DDIAS: variants seen among roughly 807,000 people sequenced by gnomAD.
DDIAS encodes DNA damage induced apoptosis suppressor.
In DDIAS, 14 loss-of-function variants were observed where a neutral mutation model predicts 15.7. The ratio of observed to expected loss-of-function variants is 0.89; its 90% CI spans 0.59 to 1.39. DDIAS has a LOEUF of 1.39. DDIAS is among the 40% of genes most tolerant of loss of function. The pLI is 0.00. For missense variants in DDIAS, 1,035 were observed against 1,130.9 expected (o/e 0.92, Z 1.22); for synonymous variants, 355 against 395.9 (o/e 0.90, Z 1.23).
rs7947363 is a variant in DDIAS, at chr11:82,909,629, C to A, written c.-116-3658C>A. ...AAGGAATTTGAGGTTTTAGCACTTA[C>A]AATGGCAATTTTCTTTGACCCTTCT... On this transcript the variant is annotated intron_variant, in intron 1 of 5. Coordinates refer to ENST00000533655, the MANE Select transcript of DDIAS (RefSeq NM_145018.4). Among the ~76,000 whole-genome samples, 4 of 152,092 alleles carry A rather than the reference C, an allele frequency of 2.6e-5. No individual in the cohort carries two copies. The East Asian group carries it at 7.7e-4, about 29-fold the overall frequency.
rs115051637 is a variant in DDIAS, at chr11:82,905,123, C to T, written c.-117+3301C>T. On this transcript the variant is annotated intron_variant, in intron 1 of 5. Coordinates refer to ENST00000533655, the MANE Select transcript of DDIAS (RefSeq NM_145018.4). Reference sequence around the variant, plus strand: ...TACTATAGTGTGTCCACATGGACCCCACATATTTTAATAAGCATAAGTCTA... The same window carrying T: ...TACTATAGTGTGTCCACATGGACCCTACATATTTTAATAAGCATAAGTCTA... Among the ~76,000 whole-genome samples the T allele has an allele frequency of 3.2e-3, 494 of 152,246 alleles. 4 individuals carry two copies. The highest frequency in any genetic ancestry group is 0.011 in the African/African-American group (470 of 41,556).
chr11:82,913,935 T>C (rs1860573474), intron 2 of DDIAS: 1 of 443,244 alleles, frequency 2.3e-6, no homozygotes, highest in African/African-American at 2.0e-5. Flanking sequence ...TTTTATACAA[T>C]ACTTTTTTTT....
rs767355216 is a variant in DDIAS at position 82,928,957 on chromosome 11, T to C, written c.275+19T>C. ...TGCACAGGTAAGAATACTTAAAACA[T>C]CCTTTTTCCTGACTGCCCTTAGAAT... On this transcript the variant is annotated intron_variant, in intron 4 of 5. Coordinates refer to ENST00000533655, the MANE Select transcript of DDIAS (RefSeq NM_145018.4). 1 of 1,588,514 alleles carries C rather than the reference T, an allele frequency of 6.3e-7. No individual in the cohort carries two copies. Among genetic ancestry groups the C allele is most frequent in the Admixed American group, 1.9e-5 (1 of 51,836 alleles).
intron 1 of DDIAS, among the ~76,000 whole-genome samples, chr11:82,909,527 TGACA>T (rs535865599): frequency 9.9e-5 from 15 of 152,262 alleles, no homozygotes; most frequent in African/African-American, 2.6e-4. Context: ...CAAACACATC[TGACA>T]GAATCATAAA....
At chr11:82,911,401 G>A (rs1486625808) in intron 1 of DDIAS, among the ~76,000 whole-genome samples, 1 of 152,176 alleles carries the variant, frequency 6.6e-6, no homozygotes, top group Non-Finnish European at 1.5e-5. Flanking sequence ...TTTCAACAAT[G>A]TTCACAGCAT....
intron 1 of DDIAS, among the ~76,000 whole-genome samples, chr11:82,905,898 AAAAG>A (rs2121311947): frequency 6.6e-6 from 1 of 152,336 alleles, no homozygotes; most frequent in South Asian, 2.1e-4. Flanking sequence ...AATAAATGTG[AAAAG>A]AAAGATAAAC....
intron 2 of DDIAS, chr11:82,913,999 C>G (rs1243291676): frequency 2.4e-6 from 1 of 422,286 alleles, no homozygotes; most frequent in East Asian, 7.4e-5. Context: ...TGCCATGGTG[C>G]AATCTCGGCT....
At position 82,913,364 on chromosome 11, in the gene DDIAS, C is replaced by T; in HGVS notation, c.-39C>T. ...ATGGCCTTGATCCTCCTGCCTTAGC[C>T]TCCCAAGCAGCTGGTATTACAGGTA... is the stretch of plus-strand genomic sequence containing the variant. On this transcript the variant is annotated 5_prime_UTR_variant, in exon 2 of 6. Transcript: ENST00000533655. 5.8e-6 allele frequency: 1 copy of T among 173,662 alleles called. No individual in the cohort carries two copies. The highest frequency in any genetic ancestry group is 1.2e-5 in the Non-Finnish European group (1 of 81,780). 10.8% of individuals were successfully genotyped at this position (173,662 alleles called of 1,614,324 possible). A position where few individuals can be genotyped will look rare whatever the true frequency, so the allele number is the denominator to read the frequency against.
At chr11:82,909,571 G>A (rs1221609413) in intron 1 of DDIAS, among the ~76,000 whole-genome samples, 3 of 152,044 alleles carry the variant, frequency 2.0e-5, no homozygotes, top group African/African-American at 7.2e-5. Context: ...TCACAAAATT[G>A]TTGTAATTTT....
At chr11:82,917,136 A>G (rs935584187) in intron 3 of DDIAS, among the ~76,000 whole-genome samples, 4 of 140,310 alleles carry the variant, frequency 2.9e-5, no homozygotes, top group Non-Finnish European at 6.1e-5. Context: ...AACTATTTCC[A>G]TAATTTCTGG....
At position 82,911,154 on chromosome 11, in the gene DDIAS, G is replaced by A. The variant is rs143030797; in HGVS notation, c.-116-2133G>A. ...GCCTCAGTGTTGATGGTTGCTGACT[G>A]CTTGGGGTGGTGGTTGCTGAAGGTT... On this transcript the variant is annotated intron_variant, in intron 1 of 5. Transcript: ENST00000533655. Among the ~76,000 whole-genome samples the A allele has an allele frequency of 8.5e-3, 1,289 of 152,308 alleles. 18 individuals carry two copies. The highest frequency in any genetic ancestry group is 0.03 in the African/African-American group (1,235 of 41,576).
chr11:82,934,001 G>A lies in DDIAS; in HGVS notation c.2663G>A (p.Cys888Tyr), dbSNP rs1275089100. ...LGFQGIGLGKCLAAYHFPDQQ... is the reference protein window; with the variant it reads ...LGFQGIGLGKYLAAYHFPDQQ... ...TTCCAAGGCATAGGTCTAGGGAAAT[G>A]CCTTGCTGCCTATCATTTCCCTGAT... Residue 888 changes from cysteine (C) to tyrosine (Y), a missense_variant, in exon 6 of 6, where the codon TGC becomes TAC. Physicochemically the swap from Cys to Tyr is radical, Grantham distance 194. Transcript: ENST00000533655. The A allele has an allele frequency of 1.5e-5, 25 of 1,613,576 alleles. No individual in the cohort carries two copies. Among genetic ancestry groups the A allele is most frequent in the Non-Finnish European group, 2.1e-5 (25 of 1,179,950 alleles).
At chr11:82,922,334 C>A (rs1226979844) in intron 3 of DDIAS, among the ~76,000 whole-genome samples, 1 of 152,210 alleles carries the variant, frequency 6.6e-6, no homozygotes, top group Non-Finnish European at 1.5e-5. Flanking sequence ...TCTTATTCCT[C>A]AGGAACACCG....
intron 4 of DDIAS, 111 bp from the exon 5 acceptor site, chr11:82,930,046 C>T: frequency 1.6e-6 from 1 of 608,986 alleles, no homozygotes; most frequent in Non-Finnish European, 2.8e-6. Context: ...CACTTTTTTT[C>T]CTCTATAAAA....
chr11:82,918,887 C>T (rs778470795), intron 3 of DDIAS, among the ~76,000 whole-genome samples: 38 of 151,974 alleles, frequency 2.5e-4, no homozygotes, highest in Non-Finnish European at 3.7e-4. Context: ...CTTGATTTGA[C>T]TCTCCACTTG....
At chr11:82,908,874 T>G (rs1860476563) in intron 1 of DDIAS, among the ~76,000 whole-genome samples, 2 of 152,244 alleles carry the variant, frequency 1.3e-5, no homozygotes, top group African/African-American at 2.4e-5. Context: ...ACCAAGCTGC[T>G]TTTTGTTCTT....
At chr11:82,910,202 T>C (rs565118103) in intron 1 of DDIAS, among the ~76,000 whole-genome samples, 1 of 152,298 alleles carries the variant, frequency 6.6e-6, no homozygotes, top group Non-Finnish European at 1.5e-5. Context: ...ACAAAGACCT[T>C]TGTTGTAAGG....
rs1861032062 is a variant in DDIAS at position 82,932,979 on chromosome 11, A to G, written c.1641A>G (p.Lys547=). Reference sequence around the variant, plus strand: ...TGTCAGCTCTGTCTTCATCTTCAAAAGATTTAGAAACAATAGTTACTCTTA... The same window carrying G: ...TGTCAGCTCTGTCTTCATCTTCAAAGGATTTAGAAACAATAGTTACTCTTA... The part of the protein sequence containing the change: ...PYLSALSSSS[K]DLETIVTLKK... Residue 547 remains lysine (K), a synonymous_variant, in exon 6 of 6, where the codon AAA becomes AAG. Coordinates refer to ENST00000533655, the MANE Select transcript of DDIAS (RefSeq NM_145018.4). 1 of 1,612,000 alleles carries G rather than the reference A, an allele frequency of 6.2e-7. No homozygotes were observed. The highest frequency in any genetic ancestry group is 8.5e-7 in the Non-Finnish European group (1 of 1,179,640).
chr11:82,911,903 G>A (rs1860536306), intron 1 of DDIAS, among the ~76,000 whole-genome samples: 2 of 152,186 alleles, frequency 1.3e-5, no homozygotes, highest in African/African-American at 2.4e-5. Flanking sequence ...ATCTCCTTGT[G>A]CATCTCATCA....
Sources: gnomAD v4.1 joint callset for allele counts (sites outside exome capture counted in the v4.1 genomes callset) on GRCh38, gnomAD v4.1.1 for gene constraint, MANE v1.5 for transcripts, NCBI Gene and HGNC (gene_info 2026-07-23, HGNC 2026-07-21) for gene names.